The following KANK3 variants were observed in gnomAD, a reference collection of about 807,000 sequenced individuals.
KANK3 encodes KN motif and ankyrin repeat domain-containing protein 3.
In KANK3, 61 loss-of-function variants were observed where a neutral mutation model predicts 65.4. That is an observed-to-expected ratio of 0.93 (90% CI 0.76 to 1.15). KANK3 has a LOEUF of 1.15. Among genes scored for constraint, KANK3 ranks in the 50% most tolerant of loss-of-function variants. The pLI is 0.00. For missense variants in KANK3, 1,187 were observed against 1,178.8 expected, an observed-to-expected ratio of 1.01 and a Z score of -0.10; for synonymous variants, 586 against 543.3, an observed-to-expected ratio of 1.08 and a Z score of -1.09.
At chr19:8,340,590 A>G (rs1443107176) in intron 1 of KANK3, among the ~76,000 whole-genome samples, 1 of 151,722 alleles carries the variant, frequency 6.6e-6, no homozygotes, top group Non-Finnish European at 1.5e-5. Context: ...ACATGGCAAC[A>G]CTCCCAGCCA....
chr19:8,334,441 C>T (rs781732916), intron 3 of KANK3, 22 bp from the exon 4 acceptor site: 3 of 1,612,874 alleles, frequency 1.9e-6, no homozygotes, highest in South Asian at 2.2e-5. Flanking sequence ...GAGATGAGGG[C>T]ACTGAGTTCG....
At position 8,333,320 on chromosome 19, in the gene KANK3, AC is replaced by A; in HGVS notation, c.1720-91del. 1 of 1,100,188 alleles carries A rather than the reference AC, an allele frequency of 9.1e-7. No individual in the cohort carries two copies. 68.2% of individuals were successfully genotyped at this position (1,100,188 alleles called of 1,614,324 possible). On this transcript the variant is annotated intron_variant, in intron 6 of 10. Transcript: ENST00000330915. The surrounding 1 kb of genome is among the most constrained non-coding windows in gnomAD (Gnocchi z 5.0). ...TGGGGAGGGGCGGGACTGGGAAGAGACCCATTTGGCGTTTCCAGGCAAGTAA... is the reference window on the plus strand; with the variant it reads ...TGGGGAGGGGCGGGACTGGGAAGAGACCATTTGGCGTTTCCAGGCAAGTAA...
At position 8,324,535 on chromosome 19, in the gene KANK3, C is replaced by T; in HGVS notation, c.2296G>A (p.Ala766Thr). The stretch of plus-strand genomic sequence containing the variant: ...TCAGCCTCCAGGGCGATGGCCAGGG[C>T]ACTGGTGCCCTCCTGTGGAACGTTA... The part of the protein sequence containing the change: ...PAILDNEGTS[A>T]LAIALEAEQD... Residue 766 changes from alanine (A) to threonine (T), a missense_variant, in exon 10 of 11, where the codon GCC becomes ACC. Coordinates refer to ENST00000330915, the MANE Select transcript of KANK3 (RefSeq NM_198471.3). The T allele has an allele frequency of 6.2e-7, 1 of 1,613,818 alleles. No homozygotes were observed. The highest frequency in any genetic ancestry group is 8.5e-7 in the Non-Finnish European group (1 of 1,179,872).
intron 7 of KANK3, chr19:8,332,669 T>C (rs1970546782): frequency 6.5e-6 from 1 of 153,114 alleles, no homozygotes; most frequent in Non-Finnish European, 1.4e-5. Context: ...ATACAAAAAT[T>C]AGCTGGGCAT....
chr19:8,337,199 A>ATTTTTT (rs33926642), intron 2 of KANK3, among the ~76,000 whole-genome samples: 16 of 88,850 alleles, frequency 1.8e-4, no homozygotes, highest in East Asian at 3.1e-4. Context: ...TGCCTGGCTA[A>ATTTTTT]TTTTTTTTTT....
At chr19:8,341,643 A>G (rs1970724659) in intron 1 of KANK3, among the ~76,000 whole-genome samples, 1 of 152,070 alleles carries the variant, frequency 6.6e-6, no homozygotes, top group African/African-American at 2.4e-5. Context: ...ACCAGGCGTG[A>G]GCCGTGCCCG....
intron 7 of KANK3, 63 bp from the exon 8 acceptor site, chr19:8,325,159 A>C (rs1599640304): frequency 2.6e-6 from 4 of 1,513,024 alleles, no homozygotes; most frequent in East Asian, 2.4e-5. Flanking sequence ...TGATCCACTC[A>C]CCTCCCTGCA....
At chr19:8,340,626 G>A (rs1015085248) in intron 1 of KANK3, among the ~76,000 whole-genome samples, 1 of 152,038 alleles carries the variant, frequency 6.6e-6, no homozygotes, top group South Asian at 2.1e-4. Flanking sequence ...CGAATCCCTG[G>A]GACCACCTGT....
In KANK3 at chr19:8,335,475, G is replaced by A; in HGVS notation, c.352C>T (p.Pro118Ser). Residue 118 changes from proline to serine, a missense_variant, in exon 3 of 11, where the codon CCG (proline) becomes TCG (serine). Pro to Ser is a moderately conservative substitution (Grantham distance 74). Transcript: ENST00000330915. ...CGCACGGGCGCGCGCGGCGACAGCG[G>A]CTGCATCAGGAGCCCCGAGGGCGCG... ...QGAPSGLLMQ[P>S]LSPRAPVRNP... 1 of 1,237,478 alleles carries A rather than the reference G, an allele frequency of 8.1e-7. No homozygotes were observed. The highest frequency in any genetic ancestry group is 1.0e-6 in the Non-Finnish European group (1 of 987,040). 76.7% of individuals were successfully genotyped at this position (1,237,478 alleles called of 1,614,324 possible). A position where few individuals can be genotyped will look rare whatever the true frequency, so the allele number is the denominator to read the frequency against.
intron 7 of KANK3, among the ~76,000 whole-genome samples, chr19:8,332,497 G>C (rs1970543426): frequency 6.6e-6 from 1 of 151,644 alleles, no homozygotes. Flanking sequence ...GAAGGCCTTT[G>C]GGAACCCAGA....
At position 8,335,339 on chromosome 19, in the gene KANK3, C is replaced by A. The variant is rs1568577230; in HGVS notation, c.488G>T (p.Gly163Val). 8.4e-7 allele frequency: 1 copy of A among 1,193,732 alleles called. No individual in the cohort carries two copies. The highest frequency in any genetic ancestry group is 1.0e-6 in the Non-Finnish European group (1 of 963,854). The allele number at this position is 1,193,732 out of a possible 1,614,324, so 73.9% of individuals were successfully genotyped here. Residue 163 changes from glycine to valine, a missense_variant, in exon 3 of 11, where the codon GGG becomes GTG. Coordinates refer to ENST00000330915, the MANE Select transcript of KANK3 (RefSeq NM_198471.3). ...AGGGGCGGGGCTGCTGCGGCCGGAC[C>A]CGCGTGGGCTGCGCGGGACCCCGCG... ...PGRGVPRSPR[G>V]SGRSSPAPNL...
intron 7 of KANK3, among the ~76,000 whole-genome samples, chr19:8,329,647 G>T (rs1970491602): frequency 6.6e-6 from 1 of 151,972 alleles, no homozygotes; most frequent in African/African-American, 2.4e-5. Flanking sequence ...AGCAATTCCT[G>T]TTCCCCAGGG....
At chr19:8,341,252 G>GTC (rs1970720661) in intron 1 of KANK3, among the ~76,000 whole-genome samples, 1 of 140,760 alleles carries the variant, frequency 7.1e-6, no homozygotes, top group African/African-American at 2.7e-5. Context: ...TAGAGGCAAT[G>GTC]TCTCGCTCAC....
intron 1 of KANK3, among the ~76,000 whole-genome samples, chr19:8,342,860 AC>A (rs982976156): frequency 2.0e-5 from 3 of 151,242 alleles, no homozygotes; most frequent in African/African-American, 7.3e-5. Context: ...TCCCCAAAAC[AC>A]CATTTCCGTG....
chr19:8,333,429 C>CG lies in KANK3; in HGVS notation c.1720-200dup, dbSNP rs1417580786. 1.3e-5 allele frequency among the ~76,000 whole-genome samples: 2 copies of CG among 152,140 alleles called. No individual in the cohort carries two copies. Among genetic ancestry groups the CG allele is most frequent in the African/African-American group, 4.8e-5 (2 of 41,436 alleles). ...CCACACCCCTATCGGAGGGCAAACA[C>CG]GGGGGAAGGGGGTCCTTTCCTTCCA... On this transcript the variant is annotated intron_variant, in intron 6 of 10. Transcript: ENST00000330915. This position sits in a 1 kb window ranked among gnomAD's most constrained non-coding sequence, Gnocchi z 5.0.
rs745365858 is a variant in KANK3 at position 8,334,646 on chromosome 19, C to G, written c.1181G>C (p.Arg394Pro). The change falls in exon 3 of 11, where the codon CGG becomes CCG. Residue 394 changes from arginine (R) to proline (P), a missense_variant. Arg to Pro is a moderately radical substitution (Grantham distance 103). This residue lies in a region of KANK3 where 1,078 missense variants were observed against 1,038.2 expected (regional missense o/e 1.04). Transcript: ENST00000330915. ...EAAEEAAAGA[R>P]AQLREATTQT... Reference sequence around the variant, plus strand: ...GGTGGTGGCCTCGCGTAGCTGGGCCCGGGCCCCCGCCGCTGCCTCCTCCGC... The same window carrying G: ...GGTGGTGGCCTCGCGTAGCTGGGCCGGGGCCCCCGCCGCTGCCTCCTCCGC... The G allele has an allele frequency of 1.7e-4, 262 of 1,529,954 alleles. 2 individuals carry two copies. In the South Asian group the frequency reaches 2.9e-3, roughly 17 times the overall value. The allele number at this position is 1,529,954 out of a possible 1,614,324, so 94.8% of individuals were successfully genotyped here. A position where few individuals can be genotyped will look rare whatever the true frequency, so the allele number is the denominator to read the frequency against.
rs1490923439 is a variant in KANK3, at chr19:8,333,475, C to T, written c.1720-245G>A. Among the ~76,000 whole-genome samples the T allele has an allele frequency of 6.6e-6, 1 of 152,174 alleles. No homozygotes were observed. Among genetic ancestry groups the T allele is most frequent in the Non-Finnish European group, 1.5e-5 (1 of 68,038 alleles). On this transcript the variant is annotated intron_variant, in intron 6 of 10. Transcript: ENST00000330915. This position sits in a 1 kb window ranked among gnomAD's most constrained non-coding sequence, Gnocchi z 5.0. ...TTCCAGGGAAGAATTTGCGGGAGAA[C>T]ATGGAACGGGGAAAGGCAATGAACG...
intron 10 of KANK3, chr19:8,323,557 CTCTTG>C (rs1396490359): frequency 2.0e-5 from 3 of 150,446 alleles, no homozygotes; most frequent in East Asian, 3.9e-4. Context: ...CAGAACGAGA[CTCTTG>C]TCTTCAAATG....
intron 2 of KANK3, among the ~76,000 whole-genome samples, chr19:8,337,425 C>T (rs553176705): frequency 4.6e-5 from 7 of 152,096 alleles, no homozygotes; most frequent in African/African-American, 1.4e-4. Flanking sequence ...ATGGTCTTGA[C>T]CTCCTGACCT....
Sources: allele counts gnomAD v4.1 joint callset (sites outside exome capture counted in the v4.1 genomes callset), GRCh38; gene constraint gnomAD v4.1.1; regional missense constraint gnomAD v4.1.1; non-coding constraint Gnocchi (gnomAD v3.1); transcripts MANE v1.5; gene names NCBI Gene and HGNC (gene_info 2026-07-23, HGNC 2026-07-21).